The following ZGPAT variants were observed in gnomAD, a reference collection of about 807,000 sequenced individuals.
ZGPAT encodes zinc finger CCCH-type and G-patch domain containing.
A neutral mutation model predicts 47.9 loss-of-function variants in ZGPAT; 39 were observed. That is an observed-to-expected ratio of 0.81 (90% CI 0.63 to 1.06). The LOEUF (loss-of-function observed/expected upper bound fraction) is 1.06. ZGPAT is among the 50% of genes least tolerant of loss of function. ZGPAT has a pLI of 0.00. For synonymous variants in ZGPAT, 348 were observed against 292.9 expected, an observed-to-expected ratio of 1.19 and a Z score of -1.92; for missense variants, 717 against 681.4, an observed-to-expected ratio of 1.05 and a Z score of -0.58.
intron 5 of ZGPAT, 156 bp from the exon 6 acceptor site, chr20:63,735,003 G>A (rs914439571): frequency 1.1e-5 from 15 of 1,330,524 alleles, no homozygotes; most frequent in Middle Eastern, 2.7e-4. Context: ...TGCCATCCCC[G>A]TGCTCCTCAG....
At chr20:63,720,446 C>T (rs1381944703) in intron 2 of ZGPAT, among the ~76,000 whole-genome samples, 5 of 152,024 alleles carry the variant, frequency 3.3e-5, no homozygotes, top group East Asian at 1.9e-4. Flanking sequence ...TGAGCCACCG[C>T]GCCCAGCCTA....
At chr20:63,721,639 C>T (rs2091788925) in intron 2 of ZGPAT, among the ~76,000 whole-genome samples, 1 of 152,188 alleles carries the variant, frequency 6.6e-6, no homozygotes, top group Non-Finnish European at 1.5e-5. Context: ...CTTTTCCCAG[C>T]CTCTTCCTTC....
At position 63,708,555 on chromosome 20, in the gene ZGPAT, C is replaced by T. The variant is rs771849260; in HGVS notation, c.-26C>T. On this transcript the variant is annotated splice_region_variant and 5_prime_UTR_variant, in exon 2 of 7. Transcript: ENST00000355969. ...TCAGCTGGCTTCTCTTCTTGCAGCC[C>T]TGGTCCAGCGCCTCCCTCTCTCAGC... 9 of 1,557,948 alleles carry T rather than the reference C, an allele frequency of 5.8e-6. No homozygotes were observed. In the South Asian group the frequency reaches 1.1e-4, roughly 19 times the overall value.
intron 2 of ZGPAT, chr20:63,730,346 G>A (rs533561689): frequency 6.6e-6 from 1 of 152,272 alleles, no homozygotes; most frequent in Admixed American, 6.5e-5. Flanking sequence ...CCAAAATCCT[G>A]GCCTGGGGAG....
intron 4 of ZGPAT, 113 bp from the exon 5 acceptor site, chr20:63,734,592 A>G (rs981224684): frequency 6.5e-7 from 1 of 1,534,738 alleles, no homozygotes. Flanking sequence ...CCGGGTCACC[A>G]TGCACAATCC....
intron 2 of ZGPAT, among the ~76,000 whole-genome samples, chr20:63,711,532 G>A (rs774947785): frequency 3.9e-5 from 6 of 151,942 alleles, no homozygotes; most frequent in African/African-American, 1.2e-4. Context: ...GAAAGCTTCC[G>A]GAGCATCTTA....
intron 2 of ZGPAT, among the ~76,000 whole-genome samples, chr20:63,711,053 G>A (rs867888636): frequency 1.2e-4 from 17 of 144,806 alleles, no homozygotes; most frequent in African/African-American, 2.8e-4. Context: ...TTGAAACAGC[G>A]TCTTGCTGCT....
intron 2 of ZGPAT, among the ~76,000 whole-genome samples, chr20:63,731,796 C>G (rs1267335670): frequency 6.6e-6 from 1 of 152,184 alleles, no homozygotes; most frequent in Non-Finnish European, 1.5e-5. Context: ...TTCAACCAAT[C>G]TCGAGTTGAA....
At position 63,709,002 on chromosome 20, in the gene ZGPAT, C is replaced by G; in HGVS notation, c.422C>G (p.Ser141Cys). Reference sequence around the variant, plus strand: ...AAGGTGAGCGCGCCCTACTACAGCTCCTGGGGCACTCTGGAGTATCACAAC... The same window carrying G: ...AAGGTGAGCGCGCCCTACTACAGCTGCTGGGGCACTCTGGAGTATCACAAC... ...GTKVSAPYYS[S>C]WGTLEYHNAM... Residue 141 changes from serine to cysteine, a missense_variant, in exon 2 of 7, where the codon TCC becomes TGC. Physicochemically the swap from Ser to Cys is moderately radical, Grantham distance 112 (BLOSUM62 -1). Coordinates refer to ENST00000355969, the MANE Select transcript of ZGPAT (RefSeq NM_181485.3). The G allele has an allele frequency of 6.2e-7, 1 of 1,613,606 alleles. No individual in the cohort carries two copies. Among genetic ancestry groups the G allele is most frequent in the Non-Finnish European group, 8.5e-7 (1 of 1,179,994 alleles).
intron 2 of ZGPAT, among the ~76,000 whole-genome samples, chr20:63,732,804 A>T (rs963488563): frequency 7.0e-6 from 1 of 142,092 alleles, no homozygotes; most frequent in African/African-American, 2.5e-5. Flanking sequence ...GTGCATGTTT[A>T]TGCGTGTGTA....
chr20:63,714,727 C>T (rs532019666), intron 2 of ZGPAT, among the ~76,000 whole-genome samples: 3 of 151,972 alleles, frequency 2.0e-5, no homozygotes, highest in Admixed American at 1.3e-4. Context: ...ACTGCAACCT[C>T]GAATTCCTGG....
chr20:63,734,912 C>T (rs184123227), intron 5 of ZGPAT, 88 bp downstream of exon 5: 216 of 1,460,522 alleles, frequency 1.5e-4, no homozygotes, highest in Admixed American at 7.4e-4. Flanking sequence ...GTCCCGCAGC[C>T]ATCGGGTTCC....
At position 63,733,754 on chromosome 20, in the gene ZGPAT, G is replaced by A. The variant is rs2091947246; in HGVS notation, c.871+15G>A. On this transcript the variant is annotated intron_variant, in intron 4 of 6. Transcript: ENST00000355969. ...CTATGCCAGAGGTATGGCAGCAGCT[G>A]CGGAGCCCAGGAGCCAGGAAGGTGG... 1 of 1,598,712 alleles carries A rather than the reference G, an allele frequency of 6.3e-7. No individual in the cohort carries two copies. The highest frequency in any genetic ancestry group is 1.3e-5 in the African/African-American group (1 of 74,792).
intron 2 of ZGPAT, among the ~76,000 whole-genome samples, chr20:63,710,369 G>T (rs2145635225): frequency 1.3e-5 from 2 of 150,506 alleles, no homozygotes; most frequent in Middle Eastern, 3.5e-3. Flanking sequence ...GGCCAGGCTG[G>T]TCTTGAACTC....
intron 6 of ZGPAT, 69 bp from the exon 7 acceptor site, chr20:63,735,712 G>T (rs2091981388): frequency 1.3e-6 from 2 of 1,545,582 alleles, no homozygotes; most frequent in African/African-American, 2.7e-5. Context: ...CACACAGGCA[G>T]TGGGTACGGC....
chr20:63,712,966 T>G (rs1397869952), intron 2 of ZGPAT, among the ~76,000 whole-genome samples: 1 of 152,190 alleles, frequency 6.6e-6, no homozygotes, highest in Non-Finnish European at 1.5e-5. Flanking sequence ...ATCTGTCCAT[T>G]TATTTACGTC....
chr20:63,727,669 CAAAAAAAAAAA>C (rs746126031), intron 2 of ZGPAT, among the ~76,000 whole-genome samples: 6 of 45,894 alleles, frequency 1.3e-4, no homozygotes, highest in Admixed American at 2.2e-4. Flanking sequence ...GACTCGGTCT[CAAAAAAAAAAA>C]AAAAAAAAAA....
chr20:63,734,213 CGT>C (rs1284344626), intron 4 of ZGPAT: 15 of 250,294 alleles, frequency 6.0e-5, no homozygotes, highest in East Asian at 1.1e-4. Flanking sequence ...TATGCGTGTG[CGT>C]GTGTGTGTAT....
chr20:63,712,295 C>T (rs964707946), intron 2 of ZGPAT, among the ~76,000 whole-genome samples: 2 of 152,174 alleles, frequency 1.3e-5, no homozygotes, highest in African/African-American at 4.8e-5. Flanking sequence ...GCACTTTTGT[C>T]CAAAATCAAT....
Sources: allele counts gnomAD v4.1 joint callset (sites outside exome capture counted in the v4.1 genomes callset), GRCh38; gene constraint gnomAD v4.1.1; transcripts MANE v1.5; gene names NCBI Gene and HGNC (gene_info 2026-07-23, HGNC 2026-07-21).